The following VPS26B variants were observed in gnomAD, a reference collection of about 807,000 sequenced individuals.
VPS26B encodes vacuolar protein sorting-associated protein 26B.
Under a neutral mutation model 33.3 loss-of-function variants are expected in VPS26B, and 10 were observed. The ratio of observed to expected loss-of-function variants is 0.30; its 90% CI spans 0.19 to 0.51. The LOEUF (loss-of-function observed/expected upper bound fraction) is 0.51. Ranked by LOEUF, VPS26B falls within the 20% of genes least tolerant of loss-of-function variation. The probability of loss-of-function intolerance (pLI) is 0.98; values close to 1 mark genes in which losing one functional copy is unlikely to be tolerated. For synonymous variants in VPS26B, 190 were observed against 176.9 expected (o/e 1.07, Z -0.59); for missense variants, 317 against 452.7 (o/e 0.70, Z 2.72).
Position 134,240,296 on chromosome 11 carries a change from C to A in VPS26B, c.545+141C>A. ...GTGGGGGAAGACCGTGGGAGCAATCCAGTGAGTGTCTATGGCAGGCCAGCT... is the reference window on the plus strand; with the variant it reads ...GTGGGGGAAGACCGTGGGAGCAATCAAGTGAGTGTCTATGGCAGGCCAGCT... On this transcript the variant is annotated intron_variant, in intron 3 of 5. Transcript: ENST00000281187. The surrounding 1 kb of genome is among the most constrained non-coding windows in gnomAD (Gnocchi z 4.4). The A allele has an allele frequency of 1.1e-6, 1 of 920,486 alleles. No homozygotes were observed. The highest frequency in any genetic ancestry group is 1.6e-5 in the African/African-American group (1 of 61,128). 57.0% of individuals were successfully genotyped at this position (920,486 alleles called of 1,614,324 possible). A position where few individuals can be genotyped will look rare whatever the true frequency, so the allele number is the denominator to read the frequency against.
At chr11:134,235,142 C>T in intron 2 of VPS26B, 89 bp downstream of exon 2, 1 of 1,466,304 alleles carries the variant, frequency 6.8e-7, no homozygotes, top group Non-Finnish European at 9.2e-7. Flanking sequence ...TGAGAATCTT[C>T]ACAGGGATCC....
Position 134,246,801 on chromosome 11 carries a change from C to G in VPS26B, c.*1211C>G, listed in dbSNP as rs1938835694. Reference sequence around the variant, plus strand: ...TGTTATGCTAGAGAGGAAGGTACTTCTCCCTCTACGGCTCTGCGCTGGGGC... The same window carrying G: ...TGTTATGCTAGAGAGGAAGGTACTTGTCCCTCTACGGCTCTGCGCTGGGGC... On this transcript the variant is annotated 3_prime_UTR_variant, in exon 6 of 6. Transcript: ENST00000281187. 6.6e-6 allele frequency: 1 copy of G among 152,294 alleles called. No homozygotes were observed. Among genetic ancestry groups the G allele is most frequent in the Admixed American group, 6.5e-5 (1 of 15,280 alleles). 9.4% of individuals were successfully genotyped at this position (152,294 alleles called of 1,614,324 possible). A position where few individuals can be genotyped will look rare whatever the true frequency, so the allele number is the denominator to read the frequency against.
intron 2 of VPS26B, among the ~76,000 whole-genome samples, chr11:134,237,626 C>T (rs900238394): frequency 6.6e-5 from 10 of 152,166 alleles, no homozygotes; most frequent in Non-Finnish European, 1.5e-4. Context: ...AGCCAGGACC[C>T]ACCAGGGCAT....
chr11:134,243,532 TA>T, intron 4 of VPS26B: 1 of 540,268 alleles, frequency 1.9e-6, no homozygotes, highest in Non-Finnish European at 3.3e-6. Context: ...ACTTGGATTA[TA>T]TATCGGGCTT....
At position 134,230,184 on chromosome 11, in the gene VPS26B, TTGTC is replaced by T. The variant is rs528944634; in HGVS notation, c.224-4707_224-4704del. Among the ~76,000 whole-genome samples, 301 of 152,308 alleles carry T rather than the reference TTGTC, an allele frequency of 2.0e-3. 1 individual carries two copies. The highest frequency in any genetic ancestry group is 6.4e-3 in the African/African-American group (265 of 41,572). ...CAAGCTTGTGACTTTTTTAAAAAACTTGTCTGTCTTTCTTACTAATTTCTGAGCA... is the reference window on the plus strand; with the variant it reads ...CAAGCTTGTGACTTTTTTAAAAAACTTGTCTTTCTTACTAATTTCTGAGCA... On this transcript the variant is annotated intron_variant, in intron 1 of 5. Transcript: ENST00000281187.
intron 1 of VPS26B, among the ~76,000 whole-genome samples, chr11:134,227,115 G>C (rs764587442): frequency 4.6e-5 from 7 of 152,100 alleles, no homozygotes; most frequent in Non-Finnish European, 8.8e-5. Context: ...AGCCTCTACT[G>C]ACCAGACAAC....
rs1168126776 is a variant in VPS26B, at chr11:134,246,846, T to C, written c.*1256T>C. The C allele has an allele frequency of 6.6e-6, 1 of 152,132 alleles. No homozygotes were observed. Among genetic ancestry groups the C allele is most frequent in the African/African-American group, 2.4e-5 (1 of 41,414 alleles). 9.4% of individuals were successfully genotyped at this position (152,132 alleles called of 1,614,324 possible). On this transcript the variant is annotated 3_prime_UTR_variant, in exon 6 of 6. Coordinates refer to ENST00000281187, the MANE Select transcript of VPS26B (RefSeq NM_052875.5). ...TGGGGCCTATGGTAGTAAAGTTGTT[T>C]ACTGTCCTTTTTCTGCTTCCCCTGG...
rs764188962 is a variant in VPS26B at position 134,245,363 on chromosome 11, C to T, written c.865-81C>T. On this transcript the variant is annotated intron_variant, in intron 5 of 5. Coordinates refer to ENST00000281187, the MANE Select transcript of VPS26B (RefSeq NM_052875.5). This position sits in a 1 kb window ranked among gnomAD's most constrained non-coding sequence, Gnocchi z 4.7. ...GGAGGTCCTTGCCCGAGATTCCCCA[C>T]GTCAAAGTTGGGAGCCTCTAGGAAA... 1.0e-5 allele frequency: 16 copies of T among 1,581,406 alleles called. No homozygotes were observed. Among genetic ancestry groups the T allele is most frequent in the South Asian group, 4.5e-5 (4 of 88,372 alleles).
chr11:134,238,534 A>G (rs1376314741), intron 2 of VPS26B, among the ~76,000 whole-genome samples: 1 of 152,202 alleles, frequency 6.6e-6, no homozygotes, highest in Non-Finnish European at 1.5e-5. Flanking sequence ...CACACAGAGG[A>G]TAGTAGCCGA....
chr11:134,241,270 G>A (rs1211649885), intron 3 of VPS26B, among the ~76,000 whole-genome samples: 4 of 152,168 alleles, frequency 2.6e-5, no homozygotes, highest in African/African-American at 9.7e-5. Context: ...AGCAGTGGGA[G>A]CTGCACCAGA....
intron 1 of VPS26B, among the ~76,000 whole-genome samples, chr11:134,226,231 C>T (rs945670491): frequency 6.6e-6 from 1 of 152,058 alleles, no homozygotes; most frequent in Admixed American, 6.5e-5. Context: ...CAAGACCTGC[C>T]TCTACCCCCA....
rs534399739 is a variant in VPS26B, at chr11:134,244,397, G to A, written c.722-541G>A. 6.6e-6 allele frequency: 1 copy of A among 152,584 alleles called. No homozygotes were observed. The highest frequency in any genetic ancestry group is 1.9e-4 in the East Asian group (1 of 5,184). 9.5% of individuals were successfully genotyped at this position (152,584 alleles called of 1,614,324 possible). A position where few individuals can be genotyped will look rare whatever the true frequency, so the allele number is the denominator to read the frequency against. The stretch of plus-strand genomic sequence containing the variant: ...AGTCCGATTCTCTAATTTTCCACAT[G>A]AGAAAATGAAGGTCCAGAGGAAGCA... On this transcript the variant is annotated intron_variant, in intron 4 of 5. Transcript: ENST00000281187. This position sits in a 1 kb window ranked among gnomAD's most constrained non-coding sequence, Gnocchi z 4.0.
At position 134,247,547 on chromosome 11, in the gene VPS26B, T is replaced by C. The variant is rs1938858057; in HGVS notation, c.*1957T>C. On this transcript the variant is annotated 3_prime_UTR_variant, in exon 6 of 6. Coordinates refer to ENST00000281187, the MANE Select transcript of VPS26B (RefSeq NM_052875.5). ...TTCTTACTCTACCCACATTCTTGCC[T>C]TCTCTATCCAACTGTGAAAGTGAGG... is the stretch of plus-strand genomic sequence containing the variant. The C allele has an allele frequency of 6.6e-6, 1 of 152,634 alleles. No individual in the cohort carries two copies. Among genetic ancestry groups the C allele is most frequent in the South Asian group, 2.1e-4 (1 of 4,830 alleles). 9.5% of individuals were successfully genotyped at this position (152,634 alleles called of 1,614,324 possible).
At chr11:134,242,355 A>C (rs890280887) in intron 3 of VPS26B, among the ~76,000 whole-genome samples, 5 of 152,214 alleles carry the variant, frequency 3.3e-5, no homozygotes, top group Non-Finnish European at 7.3e-5. Flanking sequence ...AGAGAACATT[A>C]TCTCTTTTCT....
chr11:134,246,573 TCTTA>T lies in VPS26B; in HGVS notation c.*986_*989del, dbSNP rs1022863797. On this transcript the variant is annotated 3_prime_UTR_variant, in exon 6 of 6. Coordinates refer to ENST00000281187, the MANE Select transcript of VPS26B (RefSeq NM_052875.5). ...AGTTTCGAACCTTTGGCAAGGCTGT[TCTTA>T]CTAATGCCCAAGCCCCTTTACCCCT... The T allele has an allele frequency of 7.2e-5, 11 of 152,496 alleles. No individual in the cohort carries two copies. The South Asian group carries it at 8.3e-4, about 12-fold the overall frequency. 9.4% of individuals were successfully genotyped at this position (152,496 alleles called of 1,614,324 possible).
chr11:134,239,432 T>C (rs1479840501), intron 2 of VPS26B, among the ~76,000 whole-genome samples: 1 of 152,236 alleles, frequency 6.6e-6, no homozygotes, highest in Non-Finnish European at 1.5e-5. Flanking sequence ...CAGTAAATGT[T>C]TGTGGAATGA....
intron 4 of VPS26B, chr11:134,243,909 C>T (rs1261607273): frequency 6.6e-6 from 1 of 152,328 alleles, no homozygotes; most frequent in Non-Finnish European, 1.5e-5. Flanking sequence ...CAATCATTTA[C>T]ATTCTTCATT....
chr11:134,239,326 G>T (rs1471057970), intron 2 of VPS26B, among the ~76,000 whole-genome samples: 2 of 152,154 alleles, frequency 1.3e-5, no homozygotes, highest in African/African-American at 4.8e-5. Context: ...CTTTCCGTGT[G>T]TTCCCATTTC....
chr11:134,243,108 C>T lies in VPS26B; in HGVS notation c.546-11C>T, dbSNP rs775676890. 1.2e-6 allele frequency: 2 copies of T among 1,613,976 alleles called. No homozygotes were observed. The highest frequency in any genetic ancestry group is 1.7e-6 in the Non-Finnish European group (2 of 1,179,870). ...ACCAACATCTTACTTTCTGTACTTT[C>T]TGTTCCCCAGATACCACTTGAAAGA... On this transcript the variant is annotated splice_polypyrimidine_tract_variant and intron_variant, in intron 3 of 5. Coordinates refer to ENST00000281187, the MANE Select transcript of VPS26B (RefSeq NM_052875.5).
Sources: allele counts gnomAD v4.1 joint callset (sites outside exome capture counted in the v4.1 genomes callset), GRCh38; gene constraint gnomAD v4.1.1; non-coding constraint Gnocchi (gnomAD v3.1); transcripts MANE v1.5; gene names NCBI Gene and HGNC (gene_info 2026-07-23, HGNC 2026-07-21).